The following DOCK3 variants were observed in gnomAD, a reference collection of about 807,000 sequenced individuals.
DOCK3 encodes dedicator of cytokinesis protein 3.
A neutral mutation model predicts 265.6 loss-of-function variants in DOCK3; 60 were observed. That is an observed-to-expected ratio of 0.23 (90% CI 0.18 to 0.28). The LOEUF is 0.28. Among genes scored for constraint, DOCK3 ranks in the 10% least tolerant of loss-of-function variants. The pLI is 1.00. For missense variants in DOCK3, 1,981 were observed against 2,594.3 expected, an observed-to-expected ratio of 0.76 and a Z score of 5.14; for synonymous variants, 881 against 938.0, an observed-to-expected ratio of 0.94 and a Z score of 1.11.
At chr3:51,089,341 T>G in intron 8 of DOCK3, 57 bp downstream of exon 8, 1 of 1,557,890 alleles carries the variant, frequency 6.4e-7, no homozygotes, top group Non-Finnish European at 8.7e-7. Context: ...TGTTAAGAGA[T>G]TACAACATAT....
At chr3:51,057,767 G>A (rs1257786032) in intron 5 of DOCK3, among the ~76,000 whole-genome samples, 1 of 152,126 alleles carries the variant, frequency 6.6e-6, no homozygotes, top group African/African-American at 2.4e-5. Context: ...CATTAGGTTG[G>A]CCCGGAAAAA....
intron 12 of DOCK3, among the ~76,000 whole-genome samples, chr3:51,174,598 C>T (rs1051042974): frequency 6.6e-6 from 1 of 152,034 alleles, no homozygotes; most frequent in Non-Finnish European, 1.5e-5. Flanking sequence ...TTATTTTGAA[C>T]TCTTCATTAA....
intron 24 of DOCK3, among the ~76,000 whole-genome samples, chr3:51,274,026 G>A (rs1295556835): frequency 1.3e-5 from 2 of 152,234 alleles, no homozygotes; most frequent in African/African-American, 2.4e-5. Flanking sequence ...CAACTTGCCT[G>A]AGGTCTCAGA....
intron 35 of DOCK3, among the ~76,000 whole-genome samples, chr3:51,335,724 G>A (rs1294409707): frequency 3.3e-5 from 5 of 152,182 alleles, no homozygotes; most frequent in African/African-American, 1.2e-4. Flanking sequence ...AGGCACAGTG[G>A]CACAAGCCTG....
intron 9 of DOCK3, among the ~76,000 whole-genome samples, chr3:51,108,592 C>T (rs1002030920): frequency 6.6e-6 from 1 of 152,146 alleles, no homozygotes. Context: ...CACAGAGTAA[C>T]AAGGTGGATA....
intron 5 of DOCK3, among the ~76,000 whole-genome samples, chr3:50,982,358 C>T (rs146403986): frequency 3.3e-5 from 5 of 152,004 alleles, no homozygotes; most frequent in Non-Finnish European, 5.9e-5. Context: ...TGTTTATCAC[C>T]GCAATTTGGT....
chr3:50,729,069 C>G (rs2038022205), intron 1 of DOCK3, among the ~76,000 whole-genome samples: 1 of 141,624 alleles, frequency 7.1e-6, no homozygotes, highest in Non-Finnish European at 1.5e-5. Flanking sequence ...ACCTGTAATC[C>G]CAGCACTTTG....
intron 4 of DOCK3, among the ~76,000 whole-genome samples, chr3:50,895,487 G>C (rs1375435251): frequency 6.6e-6 from 1 of 151,610 alleles, no homozygotes; most frequent in African/African-American, 2.4e-5. Flanking sequence ...TGCATGCTTA[G>C]GGAGGTAAGG....
intron 1 of DOCK3, among the ~76,000 whole-genome samples, chr3:50,761,982 C>G (rs1260235087): frequency 6.6e-6 from 1 of 152,134 alleles, no homozygotes; most frequent in African/African-American, 2.4e-5. Flanking sequence ...TGGAAACCAT[C>G]ATTCTCAGCA....
chr3:50,802,875 C>G (rs955175823), intron 2 of DOCK3, among the ~76,000 whole-genome samples: 1 of 151,918 alleles, frequency 6.6e-6, no homozygotes, highest in Non-Finnish European at 1.5e-5. Flanking sequence ...CATGTTTTCC[C>G]CACCTTTCCC....
chr3:51,161,226 C>T lies in DOCK3; in HGVS notation c.1037+524C>T, dbSNP rs867254800. On this transcript the variant is annotated intron_variant, in intron 12 of 52. Coordinates refer to ENST00000266037, the MANE Select transcript of DOCK3 (RefSeq NM_004947.5). ...TTGGGAGGCCAAGGCAGGCGGATCA[C>T]GAGGTCAGGAGATCGAGACCATCTT... Among the ~76,000 whole-genome samples the T allele has an allele frequency of 4.5e-4, 69 of 152,124 alleles. No homozygotes were observed. In the Middle Eastern group the frequency reaches 0.01, roughly 22 times the overall value.
At chr3:51,369,703 G>A (rs1430434974) in intron 49 of DOCK3, among the ~76,000 whole-genome samples, 2 of 152,186 alleles carry the variant, frequency 1.3e-5, no homozygotes, top group African/African-American at 4.8e-5. Context: ...CACAGTAGGA[G>A]TGACTGCTGT....
At chr3:50,739,480 A>G (rs2038873081) in intron 1 of DOCK3, among the ~76,000 whole-genome samples, 1 of 152,062 alleles carries the variant, frequency 6.6e-6, no homozygotes, top group Non-Finnish European at 1.5e-5. Context: ...TTTTCTTAGC[A>G]TTTACTTGAC....
At position 50,883,264 on chromosome 3, in the gene DOCK3, T is replaced by TA. The variant is rs113221264; in HGVS notation, c.163-6752dup. Among the ~76,000 whole-genome samples, 508 of 146,218 alleles carry TA rather than the reference T, an allele frequency of 3.5e-3. 3 individuals are homozygous for TA. The highest frequency in any genetic ancestry group is 0.011 in the African/African-American group (450 of 40,084). On this transcript the variant is annotated intron_variant, in intron 3 of 52. Transcript: ENST00000266037. ...ACATGTACCCTAGAACTTGAAGTATTAAAAAAAAAAGGCCATTTTGCTAGA... is the reference window on the plus strand; with the variant it reads ...ACATGTACCCTAGAACTTGAAGTATTAAAAAAAAAAAGGCCATTTTGCTAGA...
chr3:51,102,386 C>T (rs1256114260), intron 9 of DOCK3, among the ~76,000 whole-genome samples: 1 of 152,148 alleles, frequency 6.6e-6, no homozygotes, highest in Non-Finnish European at 1.5e-5. Context: ...ATTCTGTCAG[C>T]AAATCAATCA....
chr3:51,118,352 T>A (rs2083845214), intron 9 of DOCK3, among the ~76,000 whole-genome samples: 1 of 152,206 alleles, frequency 6.6e-6, no homozygotes, highest in South Asian at 2.1e-4. Flanking sequence ...TTCTTTTGCA[T>A]TTGCTGAGGA....
At chr3:51,049,186 C>T (rs1364443297) in intron 5 of DOCK3, among the ~76,000 whole-genome samples, 4 of 151,984 alleles carry the variant, frequency 2.6e-5, no homozygotes, top group Non-Finnish European at 4.4e-5. Context: ...ATTAGCCAGG[C>T]ATGGTGATGC....
chr3:51,050,287 A>G (rs2080944458), intron 5 of DOCK3, among the ~76,000 whole-genome samples: 1 of 152,090 alleles, frequency 6.6e-6, no homozygotes, highest in African/African-American at 2.4e-5. Flanking sequence ...CTCGGGAGGC[A>G]GAGGTGGGAG....
intron 9 of DOCK3, among the ~76,000 whole-genome samples, chr3:51,123,979 C>T (rs1300085908): frequency 1.3e-5 from 2 of 152,126 alleles, no homozygotes; most frequent in African/African-American, 4.8e-5. Flanking sequence ...TTTTGGCCCA[C>T]CATGAGCGTG....
Sources: gnomAD v4.1 joint callset for allele counts (sites outside exome capture counted in the v4.1 genomes callset) on GRCh38, gnomAD v4.1.1 for gene constraint, MANE v1.5 for transcripts, NCBI Gene and HGNC (gene_info 2026-07-23, HGNC 2026-07-21) for gene names.